Variants in ENTREP2 observed in about 807,000 individuals in gnomAD.
ENTREP2 encodes protein ENTREP2.
the ENTREP2 span, among the ~76,000 whole-genome samples, chr15:29,643,365 C>T: frequency 5.3e-4 from 80 of 152,194 alleles, no homozygotes; most frequent in African/African-American, 1.8e-3. Context: ...GACCAATAAG[C>T]ACACAAAAAG....
chr15:29,280,826 C>T, the ENTREP2 span, among the ~76,000 whole-genome samples: 1 of 152,184 alleles, frequency 6.6e-6, no homozygotes, highest in Non-Finnish European at 1.5e-5. Context: ...GTTGGCAACA[C>T]CATCCCTTCA....
At chr15:29,625,827 T>C in the ENTREP2 span, among the ~76,000 whole-genome samples, 6 of 152,198 alleles carry the variant, frequency 3.9e-5, no homozygotes, top group South Asian at 2.1e-4. Context: ...TATTTTTATA[T>C]TTTAGCTATT....
At chr15:29,217,701 T>C in the ENTREP2 span, among the ~76,000 whole-genome samples, 2 of 152,004 alleles carry the variant, frequency 1.3e-5, no homozygotes, top group East Asian at 3.9e-4. Flanking sequence ...GCTTTGCCTT[T>C]CTCTGGTGCC....
chr15:29,229,169 T>C, the ENTREP2 span, among the ~76,000 whole-genome samples: 1 of 151,608 alleles, frequency 6.6e-6, no homozygotes, highest in East Asian at 1.9e-4. Flanking sequence ...GTTAAAAGTA[T>C]GAAAAAGAAA....
At chr15:29,459,641 G>C in the ENTREP2 span, among the ~76,000 whole-genome samples, 93 of 152,274 alleles carry the variant, frequency 6.1e-4, no homozygotes, top group South Asian at 4.1e-3. Context: ...GACTCTGCAG[G>C]GTTGTAAGCC....
the ENTREP2 span, among the ~76,000 whole-genome samples, chr15:29,434,973 C>T: frequency 6.6e-6 from 1 of 152,096 alleles, no homozygotes; most frequent in Non-Finnish European, 1.5e-5. Flanking sequence ...CAGCTATGAT[C>T]CAGGTTGAGA....
chr15:29,315,312 T>C, the ENTREP2 span, among the ~76,000 whole-genome samples: 2 of 152,174 alleles, frequency 1.3e-5, no homozygotes, highest in Non-Finnish European at 2.9e-5. Context: ...TAAGGAAGGC[T>C]AGCCCTTCCA....
chr15:29,447,758 A>G, the ENTREP2 span, among the ~76,000 whole-genome samples: 1 of 151,612 alleles, frequency 6.6e-6, no homozygotes, highest in Admixed American at 6.6e-5. Flanking sequence ...AATATTTTTA[A>G]ATTTACTTTA....
the ENTREP2 span, among the ~76,000 whole-genome samples, chr15:29,256,525 G>GA: frequency 1.3e-5 from 2 of 151,952 alleles, no homozygotes; most frequent in Admixed American, 6.5e-5. Flanking sequence ...TACAACTGCC[G>GA]AAAAAAATGA....
the ENTREP2 span, among the ~76,000 whole-genome samples, chr15:29,629,634 G>A: frequency 1.3e-5 from 2 of 152,028 alleles, no homozygotes; most frequent in Admixed American, 6.6e-5. Context: ...TATACACTGA[G>A]TACCATACCA....
At chr15:29,463,764 A>G in the ENTREP2 span, among the ~76,000 whole-genome samples, 1 of 152,220 alleles carries the variant, frequency 6.6e-6, no homozygotes, top group Non-Finnish European at 1.5e-5. Context: ...ACCTATGTTC[A>G]CAGCAGGATT....
At chr15:29,244,477 C>T in the ENTREP2 span, among the ~76,000 whole-genome samples, 8 of 152,168 alleles carry the variant, frequency 5.3e-5, no homozygotes, top group Non-Finnish European at 1.0e-4. Flanking sequence ...GACGCATGTG[C>T]GCCAGGAAAA....
the ENTREP2 span, among the ~76,000 whole-genome samples, chr15:29,206,446 C>T: frequency 6.6e-6 from 1 of 152,132 alleles, no homozygotes; most frequent in African/African-American, 2.4e-5. Flanking sequence ...ATGCTCAAGG[C>T]ACTTAAAGGC....
chr15:29,618,166 G>T, the ENTREP2 span, among the ~76,000 whole-genome samples: 2 of 152,276 alleles, frequency 1.3e-5, no homozygotes, highest in South Asian at 4.1e-4. Context: ...GCTCACGCCT[G>T]TAATTCCAGC....
chr15:29,492,302 G>T, the ENTREP2 span, among the ~76,000 whole-genome samples: 1 of 152,206 alleles, frequency 6.6e-6, no homozygotes, highest in Admixed American at 6.5e-5. Context: ...CTCATGTTAG[G>T]AATGCACTGA....
At chr15:29,414,423 C>T in the ENTREP2 span, among the ~76,000 whole-genome samples, 753 of 152,184 alleles carry the variant, frequency 4.9e-3, 5 homozygotes, top group African/African-American at 0.016. Context: ...GAAATGAAGG[C>T]AGAAATAAAG....
chr15:29,476,976 C>T, the ENTREP2 span, among the ~76,000 whole-genome samples: 1 of 152,154 alleles, frequency 6.6e-6, no homozygotes, highest in Non-Finnish European at 1.5e-5. Context: ...GAGAATGTGT[C>T]GGCAGCACTG....
At chr15:29,624,912 G>A in the ENTREP2 span, among the ~76,000 whole-genome samples, 468 of 125,778 alleles carry the variant, frequency 3.7e-3, 2 homozygotes, top group African/African-American at 0.014. Context: ...TGTGTGTATA[G>A]TTTTATGCAA....
the ENTREP2 span, among the ~76,000 whole-genome samples, chr15:29,571,044 ACCGGGCGCGAGCCGCTGCCGTCC>A: frequency 3.7e-3 from 545 of 146,212 alleles, 4 homozygotes; most frequent in African/African-American, 0.013. Flanking sequence ...CTGCTGCCGT[ACCGGGCGCGAGCCGCTGCCGTCC>A]CCGGGCGCGA....
Sources: allele counts gnomAD v4.1 joint callset (sites outside exome capture counted in the v4.1 genomes callset), GRCh38; gene constraint gnomAD v4.1.1; transcripts MANE v1.5; gene names NCBI Gene and HGNC (gene_info 2026-07-23, HGNC 2026-07-21).